The following SRPK2 variants were observed in gnomAD, a reference collection of about 807,000 sequenced individuals.
SRPK2 encodes SFRS protein kinase 2.
A neutral mutation model predicts 90.8 loss-of-function variants in SRPK2; 21 were observed. That is an observed-to-expected ratio of 0.23 (90% confidence interval 0.16 to 0.33). The LOEUF (loss-of-function observed/expected upper bound fraction) is 0.33, where lower values mean the gene tolerates loss of function less well. Among genes scored for constraint, SRPK2 ranks in the 10% least tolerant of loss-of-function variants. The pLI, the probability that SRPK2 is intolerant of heterozygous loss-of-function variation, is 1.00. For missense variants in SRPK2, 620 were observed against 869.0 expected (o/e 0.71, Z 3.60); for synonymous variants, 288 against 311.1 (o/e 0.93, Z 0.78).
intron 2 of SRPK2, among the ~76,000 whole-genome samples, chr7:105,318,243 C>T (rs372882544): frequency 9.2e-5 from 14 of 152,140 alleles, no homozygotes; most frequent in Admixed American, 3.9e-4. Flanking sequence ...TACAGGCGCA[C>T]GCCAGGTCGC....
rs141040841 is a variant in SRPK2 at position 105,126,367 on chromosome 7, G to C, written c.1823-27C>G. The C allele has an allele frequency of 6.8e-5, 104 of 1,519,768 alleles. 1 individual carries two copies. In the East Asian group the frequency reaches 1.8e-3, roughly 27 times the overall value. The allele number at this position is 1,519,768 out of a possible 1,614,324, so 94.1% of individuals were successfully genotyped here. A position where few individuals can be genotyped will look rare whatever the true frequency, so the allele number is the denominator to read the frequency against. ...TATGGAGGAGAGAAAAAAAGGATAT[G>C]GGAATGGGAGGGGCAAAGGGAAGGA... On this transcript the variant is annotated intron_variant, in intron 14 of 15. Transcript: ENST00000393651.
chr7:105,208,180 A>G (rs773894550), intron 2 of SRPK2, among the ~76,000 whole-genome samples: 4 of 152,232 alleles, frequency 2.6e-5, no homozygotes, highest in Non-Finnish European at 5.9e-5. Flanking sequence ...GGATCTTCAA[A>G]CATTGTTGGT....
intron 2 of SRPK2, among the ~76,000 whole-genome samples, chr7:105,224,414 A>G (rs1585239658): frequency 6.6e-6 from 1 of 152,184 alleles, no homozygotes; most frequent in East Asian, 1.9e-4. Flanking sequence ...GTTCAAGACT[A>G]GCCTGGCTAA....
chr7:105,147,485 T>A (rs1804816007), intron 7 of SRPK2, among the ~76,000 whole-genome samples: 1 of 151,902 alleles, frequency 6.6e-6, no homozygotes, highest in African/African-American at 2.4e-5. Flanking sequence ...GCCTGGCTAA[T>A]TTTTTTTGTA....
At chr7:105,223,702 C>G (rs1057307898) in intron 2 of SRPK2, among the ~76,000 whole-genome samples, 2 of 152,232 alleles carry the variant, frequency 1.3e-5, no homozygotes, top group Non-Finnish European at 2.9e-5. Context: ...ACATACATCT[C>G]TCTCCTTGCA....
At chr7:105,170,843 GAAAGAAAGAAAGAAAGAAAGAAAGA>G (rs1790803349) in intron 3 of SRPK2, among the ~76,000 whole-genome samples, 2 of 10,016 alleles carry the variant, frequency 2.0e-4, no homozygotes, top group Non-Finnish European at 4.5e-4. Context: ...AAGGAAGAAA[GAAAGAAAGAAAGAAAGAAAGAAAGA>G]AAGAAAGAAA....
chr7:105,280,450 T>C (rs1233067819), intron 2 of SRPK2, among the ~76,000 whole-genome samples: 1 of 150,246 alleles, frequency 6.7e-6, no homozygotes, highest in Admixed American at 6.6e-5. Context: ...AAAATTAAGA[T>C]GTTATTATTT....
At chr7:105,270,287 A>C (rs2130502234) in intron 2 of SRPK2, among the ~76,000 whole-genome samples, 1 of 152,208 alleles carries the variant, frequency 6.6e-6, no homozygotes, top group South Asian at 2.1e-4. Context: ...GCTGAGACTC[A>C]CCTTGAGGAT....
chr7:105,363,457 G>A (rs1315817797), intron 2 of SRPK2, among the ~76,000 whole-genome samples: 1 of 152,240 alleles, frequency 6.6e-6, no homozygotes, highest in South Asian at 2.1e-4. Flanking sequence ...TCAGAGAAAT[G>A]CAAATCAAAA....
chr7:105,158,262 T>C (rs1806830410), intron 7 of SRPK2, among the ~76,000 whole-genome samples: 1 of 152,030 alleles, frequency 6.6e-6, no homozygotes, highest in Non-Finnish European at 1.5e-5. Flanking sequence ...CACCTTTTTT[T>C]TTTTTTCCCT....
At chr7:105,391,167 A>G (rs1022278349), upstream of SRPK2, among the ~76,000 whole-genome samples, 3 of 151,418 alleles carry the variant, frequency 2.0e-5, no homozygotes, top group Non-Finnish European at 4.4e-5. Context: ...CTTCACACCT[A>G]CTAGGATGAC....
chr7:105,208,470 G>C (rs1796468596), intron 2 of SRPK2, among the ~76,000 whole-genome samples: 1 of 152,204 alleles, frequency 6.6e-6, no homozygotes, highest in Admixed American at 6.5e-5. Flanking sequence ...ATGAAGTACT[G>C]ATATATGCTA....
intron 11 of SRPK2, among the ~76,000 whole-genome samples, chr7:105,140,996 T>C (rs890025924): frequency 6.6e-6 from 1 of 151,294 alleles, no homozygotes; most frequent in Admixed American, 6.6e-5. Context: ...AAGAGAAAAA[T>C]TGAACTGCAA....
At chr7:105,340,457 G>C (rs1401453709) in intron 2 of SRPK2, among the ~76,000 whole-genome samples, 1 of 144,712 alleles carries the variant, frequency 6.9e-6, no homozygotes, top group Non-Finnish European at 1.5e-5. Flanking sequence ...CTGCAGTGCA[G>C]TGGTGGTGCC....
At chr7:105,182,896 T>TA (rs1361978417) in intron 3 of SRPK2, among the ~76,000 whole-genome samples, 5 of 152,160 alleles carry the variant, frequency 3.3e-5, no homozygotes, top group African/African-American at 1.2e-4. Context: ...TAGTATCATA[T>TA]AAAACACTAC....
intron 2 of SRPK2, among the ~76,000 whole-genome samples, chr7:105,299,850 C>T (rs1290772069): frequency 2.0e-5 from 3 of 151,998 alleles, no homozygotes; most frequent in Admixed American, 6.6e-5. Flanking sequence ...GCCGAGATCG[C>T]GCCACTGCAC....
intron 2 of SRPK2, among the ~76,000 whole-genome samples, chr7:105,243,630 CAAAAAAAAAAA>C (rs767760238): frequency 1.8e-5 from 1 of 55,566 alleles, no homozygotes; most frequent in Non-Finnish European, 4.4e-5. Context: ...GACTCCATCT[CAAAAAAAAAAA>C]AAAAAAAAAC....
upstream of SRPK2, among the ~76,000 whole-genome samples, chr7:105,390,607 G>GTTTTTTTTTT (rs869259356): frequency 1.1e-3 from 122 of 109,008 alleles, 8 homozygotes; most frequent in African/African-American, 2.7e-3. Flanking sequence ...TTTTGTTTTT[G>GTTTTTTTTTT]TTTTTTTTTT....
intron 2 of SRPK2, among the ~76,000 whole-genome samples, chr7:105,246,483 C>T (rs931994242): frequency 6.6e-6 from 1 of 152,162 alleles, no homozygotes; most frequent in Non-Finnish European, 1.5e-5. Flanking sequence ...GCTCAGAATA[C>T]AGAGCTACAG....
Sources: allele counts gnomAD v4.1 joint callset (sites outside exome capture counted in the v4.1 genomes callset), GRCh38; gene constraint gnomAD v4.1.1; transcripts MANE v1.5; gene names NCBI Gene and HGNC (gene_info 2026-07-23, HGNC 2026-07-21).